The following TPM3 variants were observed in gnomAD, a reference collection of about 807,000 sequenced individuals.
TPM3 encodes tropomyosin alpha-3 chain.
In TPM3, 16 loss-of-function variants were observed where a neutral mutation model predicts 43.1. The observed-to-expected ratio is 0.37, with a 90% CI of 0.25 to 0.56. The LOEUF (loss-of-function observed/expected upper bound fraction) is 0.56. Among genes scored for constraint, TPM3 ranks in the 20% least tolerant of loss-of-function variants. The pLI, the probability that TPM3 is intolerant of heterozygous loss-of-function variation, is 0.77. For missense variants in TPM3, 176 were observed against 337.2 expected, an observed-to-expected ratio of 0.52 and a Z score of 3.74; for synonymous variants, 101 against 116.9, an observed-to-expected ratio of 0.86 and a Z score of 0.88.
chr1:154,161,372 AT>A (rs1294528184), downstream of TPM3, among the ~76,000 whole-genome samples: 8 of 151,406 alleles, frequency 5.3e-5, no homozygotes, highest in Non-Finnish European at 1.0e-4. Context: ...CTGAATTTAG[AT>A]AATACCTATA....
chr1:154,186,110 G>T (rs1024500234), intron 2 of TPM3, among the ~76,000 whole-genome samples: 15 of 151,580 alleles, frequency 9.9e-5, no homozygotes, highest in Non-Finnish European at 4.4e-5. Flanking sequence ...AGAGTAACCT[G>T]CACACTGATT....
At chr1:154,188,933 C>G (rs1663540978) in intron 2 of TPM3, among the ~76,000 whole-genome samples, 1 of 151,220 alleles carries the variant, frequency 6.6e-6, no homozygotes, top group Admixed American at 6.6e-5. Context: ...GAGTTGGAGA[C>G]CAGCCTGGCC....
At chr1:154,188,792 T>C (rs1321152346) in intron 2 of TPM3, among the ~76,000 whole-genome samples, 2 of 151,148 alleles carry the variant, frequency 1.3e-5, no homozygotes, top group African/African-American at 4.9e-5. Context: ...TTCTTACCAC[T>C]TTCCTTGGCC....
intron 3 of TPM3, 21 bp downstream of exon 3, chr1:154,176,094 C>T (rs1321823508): frequency 6.2e-7 from 1 of 1,612,526 alleles, no homozygotes; most frequent in African/African-American, 1.3e-5. Flanking sequence ...AATCCACACT[C>T]CATCAGGCTT....
chr1:154,157,223 G>C, downstream of TPM3: 1 of 388,574 alleles, frequency 2.6e-6, no homozygotes, highest in Non-Finnish European at 4.9e-6. Context: ...TCTATGGAGA[G>C]GGGAATATGC....
At chr1:154,178,633 G>A (rs1428835693) in intron 2 of TPM3, among the ~76,000 whole-genome samples, 2 of 152,184 alleles carry the variant, frequency 1.3e-5, no homozygotes, top group Non-Finnish European at 2.9e-5. Context: ...ATACCAATGG[G>A]TACCAAGAGA....
chr1:154,191,728 G>A, intron 1 of TPM3, 174 bp downstream of exon 1: 2 of 1,553,642 alleles, frequency 1.3e-6, no homozygotes, highest in Non-Finnish European at 1.7e-6. Context: ...AGGTCACAAA[G>A]GCAGTCTGAG....
At chr1:154,191,163 T>G in intron 2 of TPM3, 23 bp downstream of exon 2, 1 of 1,613,954 alleles carries the variant, frequency 6.2e-7, no homozygotes, top group Non-Finnish European at 8.5e-7. Context: ...ATTAAACCCA[T>G]CCTCCATCTC....
rs1663155988 is a variant in TPM3, at chr1:154,183,124, C to T, written c.244-6876G>A. The T allele has an allele frequency of 3.1e-6, 5 of 1,598,082 alleles. No individual in the cohort carries two copies. The South Asian group carries it at 4.4e-5, about 14-fold the overall frequency. On this transcript the variant is annotated intron_variant, in intron 2 of 9. Transcript: ENST00000651641. Reference sequence around the variant, plus strand: ...GATGGTGGTGATCCCAGCCATGGTGCCCACCCAGCTACTGCTCGCGCTCCG... The same window carrying T: ...GATGGTGGTGATCCCAGCCATGGTGTCCACCCAGCTACTGCTCGCGCTCCG...
At chr1:154,191,400 C>A in intron 1 of TPM3, 89 bp from the exon 2 acceptor site, 6 of 1,593,608 alleles carry the variant, frequency 3.8e-6, no homozygotes, top group Non-Finnish European at 5.1e-6. Flanking sequence ...TGAGTGTAAC[C>A]TCCATGTTAC....
At chr1:154,170,251 G>A (rs1396897963) in intron 8 of TPM3, 149 bp downstream of exon 8, 3 of 787,666 alleles carry the variant, frequency 3.8e-6, no homozygotes, top group African/African-American at 1.7e-5. Context: ...GACCCACTTT[G>A]CCTAGCTGTG....
rs547577437 is a variant in TPM3, at chr1:154,162,279, C to T, written c.*5658G>A. 1.4e-4 allele frequency among the ~76,000 whole-genome samples: 21 copies of T among 146,886 alleles called. No homozygotes were observed. The highest frequency in any genetic ancestry group is 2.7e-4 in the Non-Finnish European group (18 of 67,324). On this transcript the variant is annotated 3_prime_UTR_variant, in exon 10 of 10. Coordinates refer to ENST00000651641, the MANE Select transcript of TPM3 (RefSeq NM_152263.4). ...ATTCAGGAGGCTGAGGCAGGAGGATCACTTAAACCCAGGAGGCGGAGCTTG... is the reference window on the plus strand; with the variant it reads ...ATTCAGGAGGCTGAGGCAGGAGGATTACTTAAACCCAGGAGGCGGAGCTTG...
At position 154,167,242 on chromosome 1, in the gene TPM3, T is replaced by C. The variant is rs971254026; in HGVS notation, c.*695A>G. 1 of 945,274 alleles carries C rather than the reference T, an allele frequency of 1.1e-6. No individual in the cohort carries two copies. Among genetic ancestry groups the C allele is most frequent in the African/African-American group, 1.8e-5 (1 of 56,276 alleles). 58.6% of individuals were successfully genotyped at this position (945,274 alleles called of 1,614,324 possible). A position where few individuals can be genotyped will look rare whatever the true frequency, so the allele number is the denominator to read the frequency against. On this transcript the variant is annotated 3_prime_UTR_variant, in exon 10 of 10. Transcript: ENST00000651641. ...TAAAGAAGAAAAAGTAAAAAAACCG[T>C]CCAGAATTCTATCCATTGTGTATTT...
rs149765446 is a variant in TPM3 at position 154,176,243 on chromosome 1, C to T, written c.249G>A (p.Glu83=). The T allele has an allele frequency of 3.1e-4, 493 of 1,613,942 alleles. No individual in the cohort carries two copies. Among genetic ancestry groups the T allele is most frequent in the South Asian group, 5.3e-4 (48 of 91,088 alleles). The change falls in exon 3 of 10, where the codon GAG becomes GAA. Residue 83 remains glutamate, a synonymous_variant. Coordinates refer to ENST00000651641, the MANE Select transcript of TPM3 (RefSeq NM_152263.4). The part of the protein sequence containing the change: ...ELAEKKAADA[E]AEVASLNRRI... ...TACGGTTCAAGGAGGCCACCTCAGC[C>T]TCAGCCTGCATTTGAAGGAAAGAAT...
chr1:154,158,874 A>C (rs1558024751), downstream of TPM3: 1 of 759,482 alleles, frequency 1.3e-6, no homozygotes, highest in African/African-American at 1.7e-5. Context: ...GGGCAAAATA[A>C]TAACTTTTAA....
At chr1:154,190,966 A>G (rs1440726676) in intron 2 of TPM3, among the ~76,000 whole-genome samples, 1 of 152,174 alleles carries the variant, frequency 6.6e-6, no homozygotes, top group Non-Finnish European at 1.5e-5. Flanking sequence ...AGACCTTTAC[A>G]TGTATTAAAA....
chr1:154,166,731 G>C lies in TPM3; in HGVS notation c.*1206C>G, dbSNP rs1262676270. 2.0e-5 allele frequency: 20 copies of C among 978,190 alleles called. No individual in the cohort carries two copies. The highest frequency in any genetic ancestry group is 2.3e-5 in the Non-Finnish European group (19 of 824,510). 60.6% of individuals were successfully genotyped at this position (978,190 alleles called of 1,614,324 possible). A position where few individuals can be genotyped will look rare whatever the true frequency, so the allele number is the denominator to read the frequency against. ...TGGAGTCTCTCTGTTGCCCAGGCTG[G>C]AATGCAGTGGCGCGATCTCCGCTCA... On this transcript the variant is annotated 3_prime_UTR_variant, in exon 10 of 10. Transcript: ENST00000651641.
At chr1:154,174,266 T>C (rs936675046) in intron 3 of TPM3, among the ~76,000 whole-genome samples, 28 of 148,402 alleles carry the variant, frequency 1.9e-4, no homozygotes, top group Non-Finnish European at 4.5e-5. Context: ...ACCCGGGAGG[T>C]GGAGGTTGCA....
chr1:154,166,146 C>T lies in TPM3; in HGVS notation c.*1791G>A, dbSNP rs114799756. On this transcript the variant is annotated 3_prime_UTR_variant, in exon 10 of 10. Transcript: ENST00000651641. ...ATGCGGCAGTAAGAAATGGAATGGA[C>T]AAAAGGAAACGTGAATTTGATATGA... 1,908 of 225,844 alleles carry T rather than the reference C, an allele frequency of 8.4e-3. 44 individuals carry two copies. The highest frequency in any genetic ancestry group is 0.039 in the African/African-American group (1,766 of 45,042). 14.0% of individuals were successfully genotyped at this position (225,844 alleles called of 1,614,324 possible).
Sources: gnomAD v4.1 joint callset for allele counts (sites outside exome capture counted in the v4.1 genomes callset) on GRCh38, gnomAD v4.1.1 for gene constraint, MANE v1.5 for transcripts, NCBI Gene and HGNC (gene_info 2026-07-23, HGNC 2026-07-21) for gene names.